Variants in SGCZ observed in about 807,000 individuals in gnomAD.
SGCZ encodes the protein sarcoglycan zeta.
In SGCZ, 40 loss-of-function variants were observed where a neutral mutation model predicts 41.3. That is an observed-to-expected ratio of 0.97 (90% CI 0.75 to 1.26). SGCZ has a LOEUF of 1.26. Ranked by LOEUF, SGCZ falls within the 50% of genes most tolerant of loss-of-function variation. The pLI, the probability that SGCZ is intolerant of heterozygous loss-of-function variation, is 0.00. For missense variants in SGCZ, 552 were observed against 369.8 expected (o/e 1.49, Z -4.04); for synonymous variants, 206 against 137.5 (o/e 1.50, Z -3.49).
chr8:14,418,051 G>T (rs192794408), intron 2 of SGCZ, among the ~76,000 whole-genome samples: 7,711 of 151,808 alleles, frequency 0.051, 436 homozygotes, highest in East Asian at 0.27. Context: ...GGCTATGTCT[G>T]TCATGCTAGG....
intron 1 of SGCZ, among the ~76,000 whole-genome samples, chr8:15,032,257 G>A (rs1803701604): frequency 6.6e-6 from 1 of 152,038 alleles, no homozygotes; most frequent in Non-Finnish European, 1.5e-5. Context: ...GAAACCAAGT[G>A]AGAGATCACA....
chr8:14,406,528 G>A (rs543296594), intron 2 of SGCZ, among the ~76,000 whole-genome samples: 7 of 152,256 alleles, frequency 4.6e-5, no homozygotes, highest in African/African-American at 1.4e-4. Flanking sequence ...ATTGTTGAAT[G>A]AATGTAACCT....
chr8:14,125,954 G>A (rs553134490), intron 5 of SGCZ, among the ~76,000 whole-genome samples: 29 of 152,192 alleles, frequency 1.9e-4, no homozygotes, highest in African/African-American at 4.8e-4. Context: ...GGATTTGTTC[G>A]TCACACATTA....
In SGCZ at chr8:15,167,659, C is replaced by T. The variant is rs538275028; in HGVS notation, c.39+69926G>A. Among the ~76,000 whole-genome samples, 10 of 119,286 alleles carry T rather than the reference C, an allele frequency of 8.4e-5. No homozygotes were observed. In the East Asian group the frequency reaches 2.3e-3, roughly 28 times the overall value. 78.3% of individuals were successfully genotyped at this position (119,286 alleles called of 152,430 possible). On this transcript the variant is annotated intron_variant, in intron 1 of 7. Transcript: ENST00000382080. ...AGGCTATTTTGCAAACCACTCAGTC[C>T]TTTTTATAATTTGGGATGTTTAAAA...
intron 1 of SGCZ, among the ~76,000 whole-genome samples, chr8:14,559,475 A>G (rs564053305): frequency 6.6e-6 from 1 of 152,234 alleles, no homozygotes; most frequent in Non-Finnish European, 1.5e-5. Context: ...ACCGAAAGAA[A>G]TTATAGATGA....
chr8:14,305,413 C>A (rs1223881544), intron 3 of SGCZ, among the ~76,000 whole-genome samples: 1 of 152,116 alleles, frequency 6.6e-6, no homozygotes, highest in Non-Finnish European at 1.5e-5. Flanking sequence ...TTTCAAAAAT[C>A]TCAATGAGGT....
At chr8:14,110,745 T>TAACA (rs570733662) in intron 5 of SGCZ, among the ~76,000 whole-genome samples, 75 of 152,164 alleles carry the variant, frequency 4.9e-4, no homozygotes, top group African/African-American at 1.8e-3. Context: ...GTATGAAGTC[T>TAACA]AACAGCATAA....
intron 1 of SGCZ, among the ~76,000 whole-genome samples, chr8:14,594,965 C>T (rs1399355090): frequency 6.6e-6 from 1 of 151,846 alleles, no homozygotes; most frequent in East Asian, 1.9e-4. Context: ...GAGAAATTTC[C>T]ATATCCTAAT....
At chr8:14,961,146 G>A (rs1334470609) in intron 1 of SGCZ, among the ~76,000 whole-genome samples, 1 of 152,048 alleles carries the variant, frequency 6.6e-6, no homozygotes, top group Non-Finnish European at 1.5e-5. Flanking sequence ...TTTAGCCTAT[G>A]GGTACTTTTT....
intron 4 of SGCZ, among the ~76,000 whole-genome samples, chr8:14,219,930 C>A (rs1196828452): frequency 6.6e-6 from 1 of 152,134 alleles, no homozygotes; most frequent in Non-Finnish European, 1.5e-5. Context: ...TCCCTAAGCA[C>A]AGATTTTAAT....
At chr8:14,967,821 A>T (rs1801169410) in intron 1 of SGCZ, among the ~76,000 whole-genome samples, 1 of 152,168 alleles carries the variant, frequency 6.6e-6, no homozygotes, top group Admixed American at 6.6e-5. Flanking sequence ...TGAAATGTTG[A>T]TTAAAAATTA....
At chr8:14,922,053 G>T (rs981883632) in intron 1 of SGCZ, among the ~76,000 whole-genome samples, 1 of 152,026 alleles carries the variant, frequency 6.6e-6, no homozygotes, top group African/African-American at 2.4e-5. Flanking sequence ...ACCATCAAAT[G>T]TTGATGGAAC....
chr8:14,976,001 C>CATATATATAT (rs145427292), intron 1 of SGCZ, among the ~76,000 whole-genome samples: 2 of 140,174 alleles, frequency 1.4e-5, no homozygotes, highest in Admixed American at 1.4e-4. Context: ...TATATATATA[C>CATATATATAT]ATATATATAT....
chr8:14,305,971 T>C (rs1801336984), intron 3 of SGCZ, among the ~76,000 whole-genome samples: 3 of 152,198 alleles, frequency 2.0e-5, no homozygotes, highest in African/African-American at 7.2e-5. Flanking sequence ...TCAACCATCA[T>C]ACCGACTTAG....
In SGCZ at chr8:14,347,787, A is replaced by C. The variant is rs1053985672; in HGVS notation, c.235-23583T>G. Among the ~76,000 whole-genome samples the C allele has an allele frequency of 2.0e-5, 3 of 152,078 alleles. No individual in the cohort carries two copies. The East Asian group carries it at 5.8e-4, about 29-fold the overall frequency. ...GAACATCAATGAGATTTCTATTTAC[A>C]CTGTCTGTGTACTTTTAGGTCTATA... On this transcript the variant is annotated intron_variant, in intron 2 of 7. Coordinates refer to ENST00000382080, the MANE Select transcript of SGCZ (RefSeq NM_139167.4).
At chr8:14,285,529 T>G (rs1381063972) in intron 3 of SGCZ, among the ~76,000 whole-genome samples, 1 of 152,114 alleles carries the variant, frequency 6.6e-6, no homozygotes, top group Non-Finnish European at 1.5e-5. Flanking sequence ...AATGTATGTA[T>G]TCACAGTATT....
chr8:14,453,122 A>T (rs1800644817), intron 2 of SGCZ, among the ~76,000 whole-genome samples: 1 of 152,034 alleles, frequency 6.6e-6, no homozygotes, highest in African/African-American at 2.4e-5. Context: ...AATAATAATA[A>T]TAATGATTCT....
At chr8:14,386,154 A>C (rs984972594) in intron 2 of SGCZ, among the ~76,000 whole-genome samples, 2 of 152,142 alleles carry the variant, frequency 1.3e-5, no homozygotes, top group Non-Finnish European at 2.9e-5. Context: ...ACCATATTAC[A>C]CTTGCATTTC....
At chr8:14,639,572 T>A (rs1177812324) in intron 1 of SGCZ, among the ~76,000 whole-genome samples, 1 of 151,762 alleles carries the variant, frequency 6.6e-6, no homozygotes, top group Non-Finnish European at 1.5e-5. Context: ...TAATATAGTC[T>A]TGGGTAATCT....
Sources: allele counts gnomAD v4.1 joint callset (sites outside exome capture counted in the v4.1 genomes callset), GRCh38; gene constraint gnomAD v4.1.1; transcripts MANE v1.5; gene names NCBI Gene and HGNC (gene_info 2026-07-23, HGNC 2026-07-21).